Variants in ZNRF1 observed in about 807,000 individuals in gnomAD.
The protein encoded by ZNRF1 is zinc and ring finger 1.
ZNRF1 carries 3 observed loss-of-function variants against 18.4 expected under a neutral mutation model. That is an observed-to-expected ratio of 0.16 (90% CI 0.07 to 0.42). ZNRF1 has a LOEUF of 0.42. ZNRF1 is among the 10% of genes least tolerant of loss of function. ZNRF1 has a pLI of 0.99. For missense variants in ZNRF1, 310 were observed against 329.8 expected (o/e 0.94, Z 0.47); for synonymous variants, 157 against 144.2 (o/e 1.09, Z -0.64).
At chr16:75,066,251 G>A (rs2035802538) in intron 1 of ZNRF1, among the ~76,000 whole-genome samples, 1 of 152,120 alleles carries the variant, frequency 6.6e-6, no homozygotes, top group Non-Finnish European at 1.5e-5. Context: ...TCAGATAACT[G>A]GCCTAATAGT....
chr16:75,029,439 C>T (rs888055766), intron 1 of ZNRF1, among the ~76,000 whole-genome samples: 11 of 152,084 alleles, frequency 7.2e-5, no homozygotes, highest in Middle Eastern at 3.2e-3. Context: ...TGAGCCACCA[C>T]GCCCGGCTGA....
intron 2 of ZNRF1, chr16:75,104,527 T>C (rs1161106994): frequency 6.3e-6 from 2 of 316,454 alleles, no homozygotes; most frequent in South Asian, 4.2e-5. Context: ...TCGTCCGCTG[T>C]CACCTAGGCT....
chr16:75,068,175 C>G (rs1430326259), intron 1 of ZNRF1, among the ~76,000 whole-genome samples: 2 of 115,482 alleles, frequency 1.7e-5, no homozygotes, highest in African/African-American at 3.4e-5. Flanking sequence ...TGAAAAAGAG[C>G]GAGACCTTGT....
At chr16:75,093,411 C>T (rs2036163475) in intron 1 of ZNRF1, among the ~76,000 whole-genome samples, 161 bp from the exon 2 acceptor site, 1 of 150,406 alleles carries the variant, frequency 6.6e-6, no homozygotes, top group African/African-American at 2.4e-5. Context: ...AAGGCAGATG[C>T]TCAAATGAGT....
chr16:75,059,231 TTTTTTTTTTTTTTC>T (rs1317283331), intron 1 of ZNRF1, among the ~76,000 whole-genome samples: 9 of 16,896 alleles, frequency 5.3e-4, no homozygotes, highest in Admixed American at 1.0e-3. Flanking sequence ...CTTTCTTTCT[TTTTTTTTTTTTTTC>T]TTTTTTTTTT....
intron 1 of ZNRF1, among the ~76,000 whole-genome samples, chr16:75,088,617 A>G (rs1055576672): frequency 6.6e-6 from 1 of 152,210 alleles, no homozygotes; most frequent in Admixed American, 6.5e-5. Flanking sequence ...TCAGTAGCAC[A>G]GCACACGAGC....
At chr16:75,066,514 G>C (rs1272710433) in intron 1 of ZNRF1, among the ~76,000 whole-genome samples, 1 of 152,174 alleles carries the variant, frequency 6.6e-6, no homozygotes, top group East Asian at 1.9e-4. Flanking sequence ...TTCAATGGAA[G>C]ATTTTTTTGA....
chr16:75,007,341 G>A (rs778395895), intron 1 of ZNRF1, among the ~76,000 whole-genome samples: 16 of 152,100 alleles, frequency 1.1e-4, no homozygotes, highest in Admixed American at 5.2e-4. Context: ...AGGTGTCAGC[G>A]ACGATGCCAG....
At chr16:75,082,345 C>G (rs1457837772) in intron 1 of ZNRF1, among the ~76,000 whole-genome samples, 1 of 152,096 alleles carries the variant, frequency 6.6e-6, no homozygotes, top group East Asian at 2.0e-4. Flanking sequence ...GGCCATAGCT[C>G]CTGTTCCTGG....
intron 1 of ZNRF1, among the ~76,000 whole-genome samples, chr16:75,020,879 C>T (rs2035138162): frequency 6.6e-6 from 1 of 152,010 alleles, no homozygotes; most frequent in Admixed American, 6.6e-5. Flanking sequence ...CATTATTCTA[C>T]CATTTGGAAA....
At chr16:75,067,293 C>T (rs1265131848) in intron 1 of ZNRF1, among the ~76,000 whole-genome samples, 1 of 152,154 alleles carries the variant, frequency 6.6e-6, no homozygotes, top group East Asian at 1.9e-4. Context: ...ACAGCATCTG[C>T]CACATTCCGT....
chr16:75,062,080 A>C (rs1454016316), intron 1 of ZNRF1, among the ~76,000 whole-genome samples: 1 of 152,206 alleles, frequency 6.6e-6, no homozygotes, highest in Non-Finnish European at 1.5e-5. Context: ...TTGTTATGCT[A>C]CGAGATCTAA....
At chr16:75,089,315 T>G (rs1021073809) in intron 1 of ZNRF1, among the ~76,000 whole-genome samples, 6 of 152,008 alleles carry the variant, frequency 3.9e-5, no homozygotes, top group Non-Finnish European at 7.4e-5. Flanking sequence ...CCCTGTGTTG[T>G]CCAGGCTGAT....
At chr16:75,011,334 A>G (rs1327454728) in intron 1 of ZNRF1, among the ~76,000 whole-genome samples, 1 of 152,224 alleles carries the variant, frequency 6.6e-6, no homozygotes, top group Non-Finnish European at 1.5e-5. Context: ...TGGTGTAACC[A>G]TTTAATATCA....
intron 1 of ZNRF1, among the ~76,000 whole-genome samples, chr16:75,083,305 A>G (rs553253915): frequency 6.6e-6 from 1 of 152,252 alleles, no homozygotes; most frequent in East Asian, 1.9e-4. Context: ...CTTTAAAACA[A>G]TTCTGGAATA....
At chr16:75,071,970 A>G (rs755962208) in intron 1 of ZNRF1, among the ~76,000 whole-genome samples, 1 of 151,762 alleles carries the variant, frequency 6.6e-6, no homozygotes, top group South Asian at 2.1e-4. Context: ...TATTTTTGAG[A>G]TAAGGTCTTT....
chr16:75,074,913 A>G (rs901502545), intron 1 of ZNRF1, among the ~76,000 whole-genome samples: 1 of 152,222 alleles, frequency 6.6e-6, no homozygotes, highest in Non-Finnish European at 1.5e-5. Context: ...ATAAAAAGTA[A>G]TAATAATAAA....
At chr16:75,077,930 A>T (rs565662886) in intron 1 of ZNRF1, among the ~76,000 whole-genome samples, 1 of 152,234 alleles carries the variant, frequency 6.6e-6, no homozygotes, top group African/African-American at 2.4e-5. Flanking sequence ...ATTACATCGG[A>T]CCCACCTGAA....
chr16:75,089,479 C>T (rs917929306), intron 1 of ZNRF1, among the ~76,000 whole-genome samples: 7 of 152,288 alleles, frequency 4.6e-5, no homozygotes, highest in Middle Eastern at 3.4e-3. Context: ...GTGTTACTAA[C>T]CCTGCTTTAG....
Sources: gnomAD v4.1 joint callset for allele counts (sites outside exome capture counted in the v4.1 genomes callset) on GRCh38, gnomAD v4.1.1 for gene constraint, MANE v1.5 for transcripts, NCBI Gene and HGNC (gene_info 2026-07-23, HGNC 2026-07-21) for gene names.